The following CBX7 variants were observed in gnomAD, a reference collection of about 807,000 sequenced individuals.
CBX7 encodes chromobox 7.
Under a neutral mutation model 31.4 loss-of-function variants are expected in CBX7, and 14 were observed. The ratio of observed to expected loss-of-function variants is 0.45; its 90% CI spans 0.29 to 0.70. The LOEUF is 0.70. Ranked by LOEUF, CBX7 falls within the 30% of genes least tolerant of loss-of-function variation. The pLI, the probability that CBX7 is intolerant of heterozygous loss-of-function variation, is 0.11. For missense variants in CBX7, 269 were observed against 351.9 expected (o/e 0.76, Z 1.89); for synonymous variants, 159 against 152.6 (o/e 1.04, Z -0.31).
At chr22:39,138,521 G>A (rs1930336453) in intron 4 of CBX7, 115 bp downstream of exon 4, 2 of 972,070 alleles carry the variant, frequency 2.1e-6, no homozygotes, top group East Asian at 4.8e-5. Flanking sequence ...GCCCTGGGTG[G>A]TACAGGCGAG....
In CBX7 at chr22:39,133,581, G is replaced by C. The variant is rs6001450; in HGVS notation, c.*310C>G. The C allele has an allele frequency of 4.3e-6, 1 of 230,042 alleles. No individual in the cohort carries two copies. 14.3% of individuals were successfully genotyped at this position (230,042 alleles called of 1,614,324 possible). A position where few individuals can be genotyped will look rare whatever the true frequency, so the allele number is the denominator to read the frequency against. On this transcript the variant is annotated 3_prime_UTR_variant, in exon 6 of 6. Transcript: ENST00000216133. ...CCTTCCAATGCTCCTTTAACTCCCA[G>C]AACCAGCTGCTGCGTCACTAGAGGA...
chr22:39,144,512 C>G (rs1425872043), intron 2 of CBX7, among the ~76,000 whole-genome samples: 1 of 152,148 alleles, frequency 6.6e-6, no homozygotes. Context: ...GTGGCCCGCT[C>G]AGGCCCGCCC....
At chr22:39,145,429 C>T (rs530804855) in intron 2 of CBX7, among the ~76,000 whole-genome samples, 6 of 152,300 alleles carry the variant, frequency 3.9e-5, no homozygotes, top group South Asian at 2.1e-4. Context: ...ATCGGAGACC[C>T]TCGGGTGCCT....
Position 39,141,061 on chromosome 22 carries a change from C to CG in CBX7, c.179+309dup, listed in dbSNP as rs1282273195. The CG allele has an allele frequency of 1.3e-4, 45 of 340,046 alleles. No homozygotes were observed. In the East Asian group the frequency reaches 3.0e-3, roughly 23 times the overall value. The allele number at this position is 340,046 out of a possible 1,614,324, so 21.1% of individuals were successfully genotyped here. A position where few individuals can be genotyped will look rare whatever the true frequency, so the allele number is the denominator to read the frequency against. ...TCTTCACTGGAACAGAAACCTCTTA[C>CG]GGCCCCTCTGAGGTTTCACCCTGGG... On this transcript the variant is annotated intron_variant, in intron 3 of 5. Transcript: ENST00000216133.
At chr22:39,145,467 A>G (rs1212686098) in intron 2 of CBX7, among the ~76,000 whole-genome samples, 1 of 152,130 alleles carries the variant, frequency 6.6e-6, no homozygotes, top group Non-Finnish European at 1.5e-5. Flanking sequence ...CGCAAGTCCC[A>G]GGACACCCTT....
intron 1 of CBX7, 35 bp from the exon 2 acceptor site, chr22:39,149,867 G>A (rs768420455): frequency 8.1e-6 from 13 of 1,597,330 alleles, no homozygotes; most frequent in Middle Eastern, 1.7e-4. Flanking sequence ...AGTGAGTCTC[G>A]TGGTTGCCCC....
chr22:39,134,629 C>G lies in CBX7; in HGVS notation c.370G>C (p.Glu124Gln). The G allele has an allele frequency of 1.3e-6, 2 of 1,584,108 alleles. No individual in the cohort carries two copies. The highest frequency in any genetic ancestry group is 8.6e-7 in the Non-Finnish European group (1 of 1,164,886). Reference protein sequence around the residue: ...PEGVVKAGAPELVDKGPLVPT... With the variant: ...PEGVVKAGAPQLVDKGPLVPT... ...ACCAAGGGGCCCTTGTCCACCAGCT[C>G]AGGTGCCCCCGCCTTGACCACCCCC... The change falls in exon 5 of 6, where the codon GAG (glutamate) becomes CAG (glutamine). Residue 124 changes from glutamate to glutamine, a missense_variant. Glu to Gln is a conservative substitution (Grantham distance 29). This residue lies in a region of CBX7 where 222 missense variants were observed against 240.4 expected (regional missense o/e 0.92). Coordinates refer to ENST00000216133, the MANE Select transcript of CBX7 (RefSeq NM_175709.5).
rs1188338621 is a variant in CBX7, at chr22:39,152,353, G to A, written c.69+23C>T. ...GGGAGGGACCCCACTGGGGTCCTGG[G>A]AGCCGCCCCCGGGCAGCCTCACCTT... is the stretch of plus-strand genomic sequence containing the variant. On this transcript the variant is annotated intron_variant, in intron 1 of 5. Coordinates refer to ENST00000216133, the MANE Select transcript of CBX7 (RefSeq NM_175709.5). This position sits in a 1 kb window ranked among gnomAD's most constrained non-coding sequence, Gnocchi z 4.9. 1 of 1,376,890 alleles carries A rather than the reference G, an allele frequency of 7.3e-7. No individual in the cohort carries two copies. Among genetic ancestry groups the A allele is most frequent in the Non-Finnish European group, 9.5e-7 (1 of 1,057,382 alleles). 85.3% of individuals were successfully genotyped at this position (1,376,890 alleles called of 1,614,324 possible).
rs1041880077 is a variant in CBX7, at chr22:39,132,884, G to GTC, written c.*1005_*1006dup. On this transcript the variant is annotated 3_prime_UTR_variant, in exon 6 of 6. Transcript: ENST00000216133. The stretch of plus-strand genomic sequence containing the variant: ...ACGGGAGGAAGGACAGGGTCCAGAC[G>GTC]TCTCAAAGCCTGTGCTGATACATCA... 5.2e-5 allele frequency: 8 copies of GTC among 152,550 alleles called. No homozygotes were observed. Among genetic ancestry groups the GTC allele is most frequent in the African/African-American group, 1.9e-4 (8 of 41,454 alleles). The allele number at this position is 152,550 out of a possible 1,614,324, so 9.4% of individuals were successfully genotyped here.
At chr22:39,134,292 C>T in intron 5 of CBX7, 109 bp downstream of exon 5, 1 of 1,014,212 alleles carries the variant, frequency 9.9e-7, no homozygotes, top group East Asian at 2.6e-5. Flanking sequence ...CCAGACCCGA[C>T]TGGCCCCACA....
At chr22:39,135,491 T>G (rs1930220272) in intron 4 of CBX7, 1 of 150,652 alleles carries the variant, frequency 6.6e-6, no homozygotes. Flanking sequence ...TCTGGATCAC[T>G]GGGACAGTAC....
In CBX7 at chr22:39,152,510, T is replaced by C. The variant is rs1930900539; in HGVS notation, c.-66A>G. On this transcript the variant is annotated 5_prime_UTR_variant, in exon 1 of 6. Transcript: ENST00000216133. This position sits in a 1 kb window ranked among gnomAD's most constrained non-coding sequence, Gnocchi z 4.9. ...GGGGGCGGAGCTGCGGGGCCGCGGC[T>C]GCGGCGCGCGATGCTGGGGCTGGCG... is the stretch of plus-strand genomic sequence containing the variant. 2.7e-6 allele frequency: 2 copies of C among 737,188 alleles called. No homozygotes were observed. The highest frequency in any genetic ancestry group is 3.3e-6 in the Non-Finnish European group (2 of 604,212). 45.7% of individuals were successfully genotyped at this position (737,188 alleles called of 1,614,324 possible).
chr22:39,134,141 C>G, intron 5 of CBX7, 93 bp from the exon 6 acceptor site: 2 of 1,331,862 alleles, frequency 1.5e-6, no homozygotes, highest in Non-Finnish European at 2.0e-6. Flanking sequence ...CTCCTCCTCT[C>G]TGTGTCTTCA....
Position 39,152,233 on chromosome 22 carries a change from G to A in CBX7, c.69+143C>T, listed in dbSNP as rs116329204. Reference sequence around the variant, plus strand: ...ACGGTGGCAGGGAAACTGAGGCACGGGCTGGGGAGACGGGCCCAGCAGCGC... The same window carrying A: ...ACGGTGGCAGGGAAACTGAGGCACGAGCTGGGGAGACGGGCCCAGCAGCGC... On this transcript the variant is annotated intron_variant, in intron 1 of 5. Transcript: ENST00000216133. This position sits in a 1 kb window ranked among gnomAD's most constrained non-coding sequence, Gnocchi z 4.9. 5.1e-3 allele frequency: 1,640 copies of A among 322,924 alleles called. 29 individuals carry two copies. The highest frequency in any genetic ancestry group is 0.033 in the African/African-American group (1,469 of 45,018). The allele number at this position is 322,924 out of a possible 1,614,324, so 20.0% of individuals were successfully genotyped here.
chr22:39,141,826 A>G (rs1236725025), intron 2 of CBX7, among the ~76,000 whole-genome samples: 1 of 151,276 alleles, frequency 6.6e-6, no homozygotes, highest in South Asian at 2.1e-4. Flanking sequence ...CCCAGTGCCC[A>G]CTGCAAGTGT....
chr22:39,146,644 C>G (rs1009859851), intron 2 of CBX7, among the ~76,000 whole-genome samples: 1 of 152,258 alleles, frequency 6.6e-6, no homozygotes, highest in Non-Finnish European at 1.5e-5. Flanking sequence ...GGCAAGGCCT[C>G]ATTTGCTGTA....
intron 2 of CBX7, among the ~76,000 whole-genome samples, chr22:39,146,745 G>A (rs1223922398): frequency 1.3e-5 from 2 of 152,186 alleles, no homozygotes; most frequent in African/African-American, 2.4e-5. Flanking sequence ...TGACAGCCTG[G>A]CCATGGCTGT....
Position 39,131,106 on chromosome 22 carries a change from G to A in CBX7, c.*2785C>T, listed in dbSNP as rs1930019399. On this transcript the variant is annotated 3_prime_UTR_variant, in exon 6 of 6. Transcript: ENST00000216133. ...AAAGCAAAAGCTAAACCACCTCACA[G>A]AAGCACAGCGCCTGCCCCCAGAACA... The A allele has an allele frequency of 6.6e-6, 1 of 152,636 alleles. No homozygotes were observed. The highest frequency in any genetic ancestry group is 1.5e-5 in the Non-Finnish European group (1 of 68,056). 9.5% of individuals were successfully genotyped at this position (152,636 alleles called of 1,614,324 possible).
At chr22:39,134,193 G>T in intron 5 of CBX7, 145 bp from the exon 6 acceptor site, 2 of 922,196 alleles carry the variant, frequency 2.2e-6, no homozygotes, top group Non-Finnish European at 3.2e-6. Flanking sequence ...CTTGGGAGGA[G>T]GGCACTGGGT....
Sources: allele counts gnomAD v4.1 joint callset (sites outside exome capture counted in the v4.1 genomes callset), GRCh38; gene constraint gnomAD v4.1.1; regional missense constraint gnomAD v4.1.1; non-coding constraint Gnocchi (gnomAD v3.1); transcripts MANE v1.5; gene names NCBI Gene and HGNC (gene_info 2026-07-23, HGNC 2026-07-21).